Variants in DMD observed in about 807,000 individuals in gnomAD.
DMD encodes the protein mutant dystrophin.
In DMD, 63 loss-of-function variants were observed where a neutral mutation model predicts 330.1. That is an observed-to-expected ratio of 0.19 (90% CI 0.16 to 0.24). The LOEUF (loss-of-function observed/expected upper bound fraction) is 0.24, where lower values mean the gene tolerates loss of function less well. Among genes scored for constraint, DMD ranks in the 10% least tolerant of loss-of-function variants. The probability of loss-of-function intolerance (pLI) is 1.00; values close to 1 mark genes in which losing one functional copy is unlikely to be tolerated. For missense variants in DMD, 3,344 were observed against 2,684.1 expected (o/e 1.25, Z -5.43); for synonymous variants, 1,223 against 959.8 (o/e 1.27, Z -5.07).
chrX:32,389,981 C>A lies in DMD; in HGVS notation c.4344+90G>T, dbSNP rs181030174. On this transcript the variant is annotated intron_variant, in intron 31 of 78. Transcript: ENST00000357033. ...TAGTTTTCAAATAATGTCCTCAAAT[C>A]CAATCTTGCCAATAATCAAGTTGTC... 56 of 733,644 alleles carry A rather than the reference C, an allele frequency of 7.6e-5. No homozygotes were observed. In the East Asian group the frequency reaches 8.1e-4, roughly 11 times the overall value. The allele number at this position is 733,644 out of a possible 1,213,427, so 60.5% of individuals were successfully genotyped here.
At chrX:32,796,627 GATAA>G (rs1273259065) in intron 7 of DMD, among the ~76,000 whole-genome samples, 1 of 111,777 alleles carries the variant, frequency 8.9e-6, no homozygotes, top group Non-Finnish European at 1.9e-5. Flanking sequence ...ACATAAAAAT[GATAA>G]ATACTCAAAG....
chrX:31,613,093 A>G (rs1363856900), intron 55 of DMD, among the ~76,000 whole-genome samples: 10 of 112,142 alleles, frequency 8.9e-5, no homozygotes, highest in Admixed American at 6.6e-4. Context: ...CTTGCTGTTT[A>G]GTATTCATTC....
Position 31,735,277 on chromosome X carries a change from T to G in DMD, c.7543-5529A>C, listed in dbSNP as rs1025144045. Among the ~76,000 whole-genome samples the G allele has an allele frequency of 4.5e-5, 5 of 111,764 alleles. No individual in the cohort carries two copies. In the Admixed American group the frequency reaches 4.8e-4, roughly 11 times the overall value. On this transcript the variant is annotated intron_variant, in intron 51 of 78. Transcript: ENST00000357033. ...TGATCTAACATCTCTTGCACCTTCC[T>G]TGGCTTCCTCCTTCTTTTCTTTCAC...
chrX:32,297,907 G>C (rs2097504512), intron 42 of DMD, among the ~76,000 whole-genome samples: 2 of 111,170 alleles, frequency 1.8e-5, no homozygotes, highest in African/African-American at 6.5e-5. Flanking sequence ...GGTAAAGCAA[G>C]TATAAGGGCC....
intron 7 of DMD, among the ~76,000 whole-genome samples, chrX:32,783,210 ATG>A (rs2075001528): frequency 1.0e-5 from 1 of 99,546 alleles, no homozygotes; most frequent in Non-Finnish European, 2.0e-5. Flanking sequence ...ATATACACAT[ATG>A]TGTATATACG....
intron 41 of DMD, among the ~76,000 whole-genome samples, chrX:32,329,794 CT>C (rs1182531179): frequency 8.9e-6 from 1 of 112,496 alleles, no homozygotes; most frequent in African/African-American, 3.2e-5. Context: ...CCTTCTGGAA[CT>C]TTCCCCAGTT....
At chrX:31,884,618 T>C (rs1270304864) in intron 47 of DMD, among the ~76,000 whole-genome samples, 2 of 111,781 alleles carry the variant, frequency 1.8e-5, no homozygotes, top group Non-Finnish European at 3.8e-5. Flanking sequence ...ACTTGGAAAT[T>C]ACTAAAAGTA....
At chrX:33,068,610 C>A (rs1047114534) in intron 1 of DMD, among the ~76,000 whole-genome samples, 1 of 112,368 alleles carries the variant, frequency 8.9e-6, no homozygotes, top group African/African-American at 3.2e-5. Flanking sequence ...TGAGTTCTAT[C>A]TATGTGTGTG....
At chrX:32,698,754 T>A (rs181824125) in intron 8 of DMD, among the ~76,000 whole-genome samples, 358 of 112,132 alleles carry the variant, frequency 3.2e-3, no homozygotes, top group African/African-American at 0.011. Context: ...TTGCCTTTAA[T>A]CTTTCTCTAG....
chrX:31,303,172 C>A (rs928891920), intron 62 of DMD, among the ~76,000 whole-genome samples: 8 of 111,209 alleles, frequency 7.2e-5, no homozygotes, highest in African/African-American at 2.6e-4. Context: ...TGCACCTGTA[C>A]TTCAAAAAGC....
chrX:33,084,343 T>C (rs2094973241), intron 1 of DMD, among the ~76,000 whole-genome samples: 1 of 112,373 alleles, frequency 8.9e-6, no homozygotes, highest in African/African-American at 3.2e-5. Context: ...GACAGGGGAA[T>C]TGCAATGAAG....
chrX:32,731,705 T>A (rs767736837), intron 7 of DMD, among the ~76,000 whole-genome samples: 13 of 111,704 alleles, frequency 1.2e-4, no homozygotes, highest in Admixed American at 5.7e-4. Context: ...GAGGGTCCTG[T>A]CTGTTAGAAG....
intron 55 of DMD, among the ~76,000 whole-genome samples, chrX:31,576,299 C>T (rs995907931): frequency 4.5e-5 from 5 of 111,593 alleles, no homozygotes; most frequent in Admixed American, 1.9e-4. Context: ...TGTTTTATAG[C>T]GGTTTTAATA....
intron 7 of DMD, among the ~76,000 whole-genome samples, chrX:32,737,143 G>T (rs1005568035): frequency 2.7e-5 from 3 of 109,990 alleles, no homozygotes; most frequent in Admixed American, 1.9e-4. Context: ...CAACAAAAGG[G>T]GGGGGACATA....
chrX:32,391,595 C>G (rs1307324939), intron 30 of DMD, among the ~76,000 whole-genome samples: 6 of 112,140 alleles, frequency 5.4e-5, no homozygotes, highest in Non-Finnish European at 9.4e-5. Flanking sequence ...ATAAATGTAT[C>G]TTATTTTATT....
At chrX:32,636,991 G>A (rs1254423620) in intron 11 of DMD, among the ~76,000 whole-genome samples, 1 of 108,306 alleles carries the variant, frequency 9.2e-6, no homozygotes, top group Non-Finnish European at 1.9e-5. Context: ...GGGAGACTCT[G>A]TCTCAAAAAA....
intron 47 of DMD, among the ~76,000 whole-genome samples, chrX:31,897,205 G>A (rs1603546425): frequency 1.8e-5 from 2 of 111,287 alleles, no homozygotes; most frequent in South Asian, 7.6e-4. Flanking sequence ...AGTTTACTGA[G>A]AACGATGATT....
intron 44 of DMD, among the ~76,000 whole-genome samples, chrX:32,065,940 T>A (rs976482301): frequency 2.9e-4 from 32 of 111,125 alleles, no homozygotes; most frequent in African/African-American, 1.0e-3. Flanking sequence ...CGACAGTGAA[T>A]CTTCTTTGTC....
At chrX:32,497,356 A>G (rs1416233365) in intron 19 of DMD, among the ~76,000 whole-genome samples, 2 of 111,984 alleles carry the variant, frequency 1.8e-5, no homozygotes, top group Non-Finnish European at 3.8e-5. Context: ...TCTTTAGTCT[A>G]ATATACTAAT....
Sources: gnomAD v4.1 joint callset for allele counts (sites outside exome capture counted in the v4.1 genomes callset) on GRCh38, gnomAD v4.1.1 for gene constraint, MANE v1.5 for transcripts, NCBI Gene and HGNC (gene_info 2026-07-23, HGNC 2026-07-21) for gene names.